IARS1: variants seen among roughly 807,000 people sequenced by gnomAD.
The protein encoded by IARS1 is isoleucyl-tRNA synthetase 1.
IARS1 carries 124 observed loss-of-function variants against 168.2 expected under a neutral mutation model. That is an observed-to-expected ratio of 0.74 (90% confidence interval 0.64 to 0.86). The LOEUF is 0.86. IARS1 is among the 40% of genes least tolerant of loss of function. The pLI is 0.00. For synonymous variants in IARS1, 532 were observed against 529.4 expected (o/e 1.00, Z -0.07); for missense variants, 1,452 against 1,515.8 (o/e 0.96, Z 0.70).
intron 27 of IARS1, among the ~76,000 whole-genome samples, chr9:92,244,141 CT>C (rs1483775735): frequency 1.1e-4 from 17 of 150,540 alleles, no homozygotes; most frequent in African/African-American, 4.1e-4. Context: ...TCACATGACA[CT>C]TTTGTAAGGT....
chr9:92,252,191 A>C (rs953361654), intron 21 of IARS1, among the ~76,000 whole-genome samples: 15 of 152,232 alleles, frequency 9.9e-5, no homozygotes, highest in Non-Finnish European at 4.4e-5. Flanking sequence ...TGAAGGTAGA[A>C]TGGATCTACC....
Position 92,268,278 on chromosome 9 carries a change from T to A in IARS1, c.1327A>T (p.Lys443Ter). The change falls in exon 14 of 34, where the codon AAA becomes TAA. Residue 443 changes from lysine to a stop codon, truncating the protein, a stop_gained. Transcript: ENST00000443024. LOFTEE classifies it high-confidence loss of function. Reference protein sequence around the residue: ...CYWVPELVREKRFGNWLKDAR... With the variant: ...CYWVPELVRE ...TCTTTCAGCCAATTTCCAAATCGTT[T>A]TTCTCGTACCAACTCTGGGACCCTG... The A allele has an allele frequency of 1.2e-6, 2 of 1,611,260 alleles. No individual in the cohort carries two copies. Among genetic ancestry groups the A allele is most frequent in the Non-Finnish European group, 1.7e-6 (2 of 1,179,350 alleles).
intron 30 of IARS1, among the ~76,000 whole-genome samples, chr9:92,235,337 T>C (rs1827321065): frequency 6.6e-6 from 1 of 152,158 alleles, no homozygotes; most frequent in African/African-American, 2.4e-5. Flanking sequence ...TTAGGTATAA[T>C]GGTAGCTGTA....
chr9:92,235,515 T>A (rs112585276), intron 30 of IARS1, among the ~76,000 whole-genome samples: 1,572 of 77,114 alleles, frequency 0.02, 34 homozygotes, highest in African/African-American at 0.069. Context: ...TTACATTGAT[T>A]TTTTTTTTTT....
chr9:92,242,591 G>A (rs557754601), intron 28 of IARS1: 48 of 427,992 alleles, frequency 1.1e-4, no homozygotes, highest in African/African-American at 9.1e-4. Context: ...TTGAAACCAA[G>A]AAATTACTTA....
intron 30 of IARS1, among the ~76,000 whole-genome samples, chr9:92,237,153 T>C (rs1361286123): frequency 4.6e-5 from 7 of 152,214 alleles, no homozygotes. Flanking sequence ...AGGTTATGAC[T>C]TGAAACCATC....
intron 21 of IARS1, 95 bp downstream of exon 21, chr9:92,253,267 T>G: frequency 1.3e-6 from 1 of 774,244 alleles, no homozygotes; most frequent in East Asian, 2.5e-5. Context: ...GGAGAGCAAC[T>G]GAAAATGTTC....
At chr9:92,269,310 T>C (rs1832707433) in intron 13 of IARS1, among the ~76,000 whole-genome samples, 1 of 152,220 alleles carries the variant, frequency 6.6e-6, no homozygotes, top group African/African-American at 2.4e-5. Flanking sequence ...AAACTTGTAG[T>C]GAAAAACATT....
At position 92,250,192 on chromosome 9, in the gene IARS1, TG is replaced by T; in HGVS notation, c.2526del (p.Ile843Ter). 1 of 1,595,460 alleles carries T rather than the reference TG, an allele frequency of 6.3e-7. No individual in the cohort carries two copies. ...ATAGAAGTAAAATTTCAAACCTTTA[TG>T]GGAATAGTTTTTCGGTCTCTGATCA... ...GRVIRDRKTI[P>X]IKYPLKEIVV... On this transcript the variant is annotated frameshift_variant, in exon 24 of 34. Coordinates refer to ENST00000443024, the MANE Select transcript of IARS1 (RefSeq NM_002161.6). LOFTEE classifies it high-confidence loss of function.
At chr9:92,213,878 C>G (rs1838179268) in intron 33 of IARS1, among the ~76,000 whole-genome samples, 1 of 152,014 alleles carries the variant, frequency 6.6e-6, no homozygotes, top group Non-Finnish European at 1.5e-5. Flanking sequence ...GTGATGCAAT[C>G]TCAGCACACT....
rs150456095 is a variant in IARS1 at position 92,261,038 on chromosome 9, G to C, written c.1788-804C>G. 2.1e-3 allele frequency among the ~76,000 whole-genome samples: 327 copies of C among 152,274 alleles called. 2 individuals are homozygous for C. Among genetic ancestry groups the C allele is most frequent in the African/African-American group, 7.3e-3 (304 of 41,558 alleles). On this transcript the variant is annotated intron_variant, in intron 17 of 33. Coordinates refer to ENST00000443024, the MANE Select transcript of IARS1 (RefSeq NM_002161.6). ...ATTTAAAAAAAGCCAGCTGGGTGCG[G>C]TGGCTCATGCCTGTAATACTAGCAC...
chr9:92,242,048 T>C (rs1828493497), intron 29 of IARS1, 106 bp downstream of exon 29: 1 of 830,056 alleles, frequency 1.2e-6, no homozygotes, highest in East Asian at 2.4e-5. Context: ...CAAGACAGAG[T>C]GCTGTGCCGA....
chr9:92,281,135 CTTT>C (rs35960000), intron 6 of IARS1, among the ~76,000 whole-genome samples: 16 of 135,516 alleles, frequency 1.2e-4, no homozygotes, highest in Non-Finnish European at 1.3e-4. Flanking sequence ...CACCTGGTGA[CTTT>C]TTTTTTTTTT....
intron 26 of IARS1, among the ~76,000 whole-genome samples, chr9:92,246,987 AGTTAGAG>A (rs1381923503): frequency 6.6e-6 from 1 of 152,196 alleles, no homozygotes; most frequent in Admixed American, 6.5e-5. Flanking sequence ...TGAGGTCAGG[AGTTAGAG>A]ACCAGCCTGG....
intron 32 of IARS1, among the ~76,000 whole-genome samples, 186 bp downstream of exon 32, chr9:92,223,160 C>A (rs1319205323): frequency 6.6e-6 from 1 of 152,148 alleles, no homozygotes; most frequent in African/African-American, 2.4e-5. Context: ...CCTAACCATG[C>A]CAGATGGATG....
intron 9 of IARS1, among the ~76,000 whole-genome samples, chr9:92,275,821 T>C (rs558438843): frequency 9.2e-5 from 14 of 152,342 alleles, no homozygotes; most frequent in African/African-American, 3.1e-4. Context: ...CATCAGATGA[T>C]TCCGTCCTGG....
Position 92,240,851 on chromosome 9 carries a change from C to T in IARS1, c.3283+5G>A. The stretch of plus-strand genomic sequence containing the variant: ...AGTCACACAAATCATGGAATTTACT[C>T]TTACCTTGTTCACTGCCATTTGCAC... On this transcript the variant is annotated splice_donor_5th_base_variant and intron_variant, in intron 30 of 33. Coordinates refer to ENST00000443024, the MANE Select transcript of IARS1 (RefSeq NM_002161.6). The T allele has an allele frequency of 6.3e-7, 1 of 1,579,134 alleles. No homozygotes were observed. The highest frequency in any genetic ancestry group is 8.7e-7 in the Non-Finnish European group (1 of 1,148,346).
intron 30 of IARS1, among the ~76,000 whole-genome samples, chr9:92,239,340 T>G (rs1828014938): frequency 6.6e-6 from 1 of 152,226 alleles, no homozygotes; most frequent in Non-Finnish European, 1.5e-5. Context: ...AGACAATACT[T>G]ATCTTTCAGC....
intron 31 of IARS1, among the ~76,000 whole-genome samples, chr9:92,226,732 T>C (rs940656449): frequency 1.3e-5 from 2 of 152,104 alleles, no homozygotes; most frequent in African/African-American, 2.4e-5. Context: ...TGCAGCTGTG[T>C]GTAACTCCAA....
Sources: allele counts gnomAD v4.1 joint callset (sites outside exome capture counted in the v4.1 genomes callset), GRCh38; gene constraint gnomAD v4.1.1; transcripts MANE v1.5; gene names NCBI Gene and HGNC (gene_info 2026-07-23, HGNC 2026-07-21).